WIPI2: variants seen among roughly 807,000 people sequenced by gnomAD.
WIPI2 encodes the protein WD repeat domain, phosphoinositide interacting 2.
WIPI2 carries 28 observed loss-of-function variants against 52.3 expected under a neutral mutation model. That is an observed-to-expected ratio of 0.54 (90% CI 0.40 to 0.73). The LOEUF (loss-of-function observed/expected upper bound fraction) is 0.73. Ranked by LOEUF, WIPI2 falls within the 30% of genes least tolerant of loss-of-function variation. WIPI2 has a pLI of 0.00. For synonymous variants in WIPI2, 268 were observed against 245.0 expected, an observed-to-expected ratio of 1.09 and a Z score of -0.88; for missense variants, 506 against 602.9, an observed-to-expected ratio of 0.84 and a Z score of 1.68.
In WIPI2 at chr7:5,227,108, C is replaced by CT. The variant is rs1783472530; in HGVS notation, c.849-71dup. On this transcript the variant is annotated intron_variant, in intron 9 of 12. Coordinates refer to ENST00000288828, the MANE Select transcript of WIPI2 (RefSeq NM_015610.4). This position sits in a 1 kb window ranked among gnomAD's most constrained non-coding sequence, Gnocchi z 8.1. ...TGCTGTCGGCTCCAGAGCTGTGCGT[C>CT]TGTGTGAGTAGGGGGTGGCCGTCCC... is the stretch of plus-strand genomic sequence containing the variant. 13 of 1,585,448 alleles carry CT rather than the reference C, an allele frequency of 8.2e-6. No homozygotes were observed. Among genetic ancestry groups the CT allele is most frequent in the African/African-American group, 1.3e-5 (1 of 74,206 alleles).
chr7:5,216,796 T>C (rs1782836965), intron 5 of WIPI2, 137 bp downstream of exon 5: 1 of 857,344 alleles, frequency 1.2e-6, no homozygotes, highest in Non-Finnish European at 1.8e-6. Context: ...CAAACCAAGC[T>C]GCCTTCCTAC....
At chr7:5,205,860 CA>C (rs1397753461) in intron 3 of WIPI2, among the ~76,000 whole-genome samples, 1 of 147,632 alleles carries the variant, frequency 6.8e-6, no homozygotes, top group Non-Finnish European at 1.5e-5. Flanking sequence ...TTTTTTCCCC[CA>C]TGCAGTCATG....
chr7:5,202,793 A>G (rs1402993274), intron 3 of WIPI2, among the ~76,000 whole-genome samples: 1 of 152,188 alleles, frequency 6.6e-6, no homozygotes, highest in African/African-American at 2.4e-5. Flanking sequence ...TTTTTTGAAT[A>G]TACATAATGC....
chr7:5,214,658 A>G lies in WIPI2; in HGVS notation c.335A>G (p.Asn112Ser). Residue 112 changes from asparagine (N) to serine (S), a missense_variant, in exon 4 of 13, where the codon AAC (asparagine) becomes AGC (serine). Physicochemically the swap from Asn to Ser is conservative, Grantham distance 46. Coordinates refer to ENST00000288828, the MANE Select transcript of WIPI2 (RefSeq NM_015610.4). ...CHFKKGTEIC[N>S]YSYSNTILAV... Reference sequence around the variant, plus strand: ...TTTAAGAAGGGAACTGAGATCTGCAACTACAGCTACTCCAACACGATTCTG... The same window carrying G: ...TTTAAGAAGGGAACTGAGATCTGCAGCTACAGCTACTCCAACACGATTCTG... 1 of 1,614,236 alleles carries G rather than the reference A, an allele frequency of 6.2e-7. No individual in the cohort carries two copies. Among genetic ancestry groups the G allele is most frequent in the Non-Finnish European group, 8.5e-7 (1 of 1,180,040 alleles).
chr7:5,229,214 A>G (rs575355013), intron 11 of WIPI2, among the ~76,000 whole-genome samples: 168 of 152,000 alleles, frequency 1.1e-3, no homozygotes, highest in African/African-American at 3.7e-3. Context: ...ACGGGGTTTC[A>G]CTGTGTTAGC....
intron 2 of WIPI2, among the ~76,000 whole-genome samples, chr7:5,197,407 C>A (rs1781806071): frequency 6.6e-6 from 1 of 151,964 alleles, no homozygotes; most frequent in African/African-American, 2.4e-5. Context: ...TTAGTTTTAG[C>A]CTAGGGATAT....
chr7:5,190,544 G>A (rs2115182319), intron 1 of WIPI2, 51 bp downstream of exon 1: 2 of 1,394,942 alleles, frequency 1.4e-6, no homozygotes, highest in East Asian at 3.1e-5. Flanking sequence ...GGTCGGACCC[G>A]GGCTAGGGGG....
chr7:5,211,747 G>A (rs1253426145), intron 3 of WIPI2, among the ~76,000 whole-genome samples: 4 of 152,200 alleles, frequency 2.6e-5, no homozygotes, highest in Non-Finnish European at 5.9e-5. Context: ...CAACCCTGAA[G>A]TTAATGAAGC....
intron 3 of WIPI2, among the ~76,000 whole-genome samples, chr7:5,200,828 C>T (rs958766533): frequency 1.3e-5 from 2 of 152,194 alleles, no homozygotes; most frequent in Non-Finnish European, 2.9e-5. Flanking sequence ...CAGTGTCTTT[C>T]CTGTTGCTGC....
chr7:5,208,018 G>A (rs939555697), intron 3 of WIPI2, among the ~76,000 whole-genome samples: 2 of 152,068 alleles, frequency 1.3e-5, no homozygotes, highest in Non-Finnish European at 2.9e-5. Flanking sequence ...CGGCCATCTC[G>A]ACCTCCCAAA....
At chr7:5,214,377 C>G (rs1782706658) in intron 3 of WIPI2, 158 bp from the exon 4 acceptor site, 1 of 1,601,034 alleles carries the variant, frequency 6.2e-7, no homozygotes, top group Non-Finnish European at 8.5e-7. Flanking sequence ...CCTCAGACCC[C>G]CGGGCTGTCC....
Position 5,190,489 on chromosome 7 carries a change from A to T in WIPI2, c.70A>T (p.Asn24Tyr), listed in dbSNP as rs1335791295. The change falls in exon 1 of 13, where the codon AAC (asparagine) becomes TAC (tyrosine). Residue 24 changes from asparagine to tyrosine, a missense_variant. By Grantham distance (143) the Asn-to-Tyr change is moderately radical. Coordinates refer to ENST00000288828, the MANE Select transcript of WIPI2 (RefSeq NM_015610.4). ...QLLFANFNQD[N>Y]TEVKGASRAA... ...GCTCTTCGCCAACTTCAACCAGGAC[A>T]ACACGTAAGGCCGGGGTCGGGGGTC... is the stretch of plus-strand genomic sequence containing the variant. 1 of 1,508,428 alleles carries T rather than the reference A, an allele frequency of 6.6e-7. No individual in the cohort carries two copies. Among genetic ancestry groups the T allele is most frequent in the Non-Finnish European group, 8.9e-7 (1 of 1,127,950 alleles). 93.4% of individuals were successfully genotyped at this position (1,508,428 alleles called of 1,614,324 possible).
At chr7:5,221,252 C>T (rs1783113155) in intron 7 of WIPI2, among the ~76,000 whole-genome samples, 1 of 152,010 alleles carries the variant, frequency 6.6e-6, no homozygotes, top group African/African-American at 2.4e-5. Flanking sequence ...TGAGTCACCG[C>T]ACCTGGCCCA....
chr7:5,225,725 AGT>A lies in WIPI2; in HGVS notation c.741-94_741-93del, dbSNP rs971767625. 42 of 781,218 alleles carry A rather than the reference AGT, an allele frequency of 5.4e-5. 1 individual carries two copies. The African/African-American group carries it at 6.6e-4, about 12-fold the overall frequency. 48.4% of individuals were successfully genotyped at this position (781,218 alleles called of 1,614,324 possible). ...GGAATAAAACTTACCAGCAGGCCCA[AGT>A]GTGCCCGTGACAGGAACTCTTCTCC... On this transcript the variant is annotated intron_variant, in intron 8 of 12. Transcript: ENST00000288828.
Position 5,232,691 on chromosome 7 carries a change from A to AC in WIPI2, c.*1746dup, listed in dbSNP as rs1783782278. On this transcript the variant is annotated 3_prime_UTR_variant, in exon 13 of 13. Transcript: ENST00000288828. ...GCCAGAGGGCTCTCTCTAGAACCTG[A>AC]CCGTGCACTCCATCTCCTGGGAGCC... is the stretch of plus-strand genomic sequence containing the variant. The AC allele has an allele frequency of 5.2e-6, 1 of 191,262 alleles. No individual in the cohort carries two copies. The highest frequency in any genetic ancestry group is 2.3e-5 in the African/African-American group (1 of 43,092). 11.8% of individuals were successfully genotyped at this position (191,262 alleles called of 1,614,324 possible).
At chr7:5,210,739 T>G (rs1782515880) in intron 3 of WIPI2, among the ~76,000 whole-genome samples, 1 of 152,258 alleles carries the variant, frequency 6.6e-6, no homozygotes. Context: ...TGTAAGTCTC[T>G]GGGACGCTGG....
chr7:5,193,980 C>T (rs1008024431), intron 2 of WIPI2, among the ~76,000 whole-genome samples: 4 of 152,184 alleles, frequency 2.6e-5, no homozygotes, highest in Non-Finnish European at 5.9e-5. Flanking sequence ...AGGAGGATAT[C>T]ATCCAACAGC....
chr7:5,193,004 TG>T, intron 1 of WIPI2, 113 bp from the exon 2 acceptor site: 1 of 959,788 alleles, frequency 1.0e-6, no homozygotes, highest in Non-Finnish European at 1.6e-6. Context: ...CTTTCTTTAC[TG>T]GTAATATGAT....
Position 5,214,576 on chromosome 7 carries a change from A to G in WIPI2, c.253A>G (p.Ser85Gly), listed in dbSNP as rs770104027. The change falls in exon 4 of 13, where the codon AGC (serine) becomes GGC (glycine). Residue 85 changes from serine to glycine, a missense_variant. Around this residue, in one of 4 missense-constraint regions of WIPI2, gnomAD observed 237 missense variants for 346.9 expected, o/e 0.68. Transcript: ENST00000288828. ...GTGCATTGTAGAGAGATTGTTCTCC[A>G]GCAGCCTAGTGGCCATCGTCAGCCT... ...DVCIVERLFSSSLVAIVSLKA... is the reference protein window; with the variant it reads ...DVCIVERLFSGSLVAIVSLKA... The G allele has an allele frequency of 6.2e-7, 1 of 1,614,270 alleles. No individual in the cohort carries two copies. The highest frequency in any genetic ancestry group is 8.5e-7 in the Non-Finnish European group (1 of 1,180,046).
Sources: gnomAD v4.1 joint callset for allele counts (sites outside exome capture counted in the v4.1 genomes callset) on GRCh38, gnomAD v4.1.1 for gene constraint, gnomAD v4.1.1 regional missense constraint, Gnocchi (gnomAD v3.1) non-coding constraint, MANE v1.5 for transcripts, NCBI Gene and HGNC (gene_info 2026-07-23, HGNC 2026-07-21) for gene names.